Variants in ZFHX4 observed in about 807,000 individuals in gnomAD.
ZFHX4 encodes the protein zinc finger homeobox 4, also known as zinc finger homeobox protein 4.
Under a neutral mutation model 267.6 loss-of-function variants are expected in ZFHX4, and 56 were observed. The observed-to-expected ratio is 0.21, with a 90% CI of 0.17 to 0.26. ZFHX4 has a LOEUF of 0.26. ZFHX4 is among the 10% of genes least tolerant of loss of function. The pLI is 1.00. For missense variants in ZFHX4, 4,332 were observed against 4,420.0 expected (o/e 0.98, Z 0.56); for synonymous variants, 1,778 against 1,665.6 (o/e 1.07, Z -1.64).
chr8:76,827,052 A>G (rs1458038682), intron 4 of ZFHX4, among the ~76,000 whole-genome samples: 12 of 152,222 alleles, frequency 7.9e-5, no homozygotes, highest in Admixed American at 7.2e-4. Context: ...TTTCTTCTAG[A>G]CAATAAAGAG....
chr8:76,761,782 A>G (rs1039924635), intron 3 of ZFHX4, among the ~76,000 whole-genome samples: 9 of 152,190 alleles, frequency 5.9e-5, no homozygotes, highest in Non-Finnish European at 7.3e-5. Flanking sequence ...GAGGTTTAGA[A>G]GCAAATGTCT....
intron 3 of ZFHX4, among the ~76,000 whole-genome samples, chr8:76,738,584 T>A (rs890262060): frequency 6.6e-6 from 1 of 151,542 alleles, no homozygotes; most frequent in Non-Finnish European, 1.5e-5. Flanking sequence ...AAGATTTGTT[T>A]CTACTTTCTT....
intron 6 of ZFHX4, among the ~76,000 whole-genome samples, chr8:76,843,366 T>C (rs1190023559): frequency 6.6e-6 from 1 of 152,062 alleles, no homozygotes; most frequent in Non-Finnish European, 1.5e-5. Context: ...TGAAAAGGGA[T>C]TAGGTGCTGG....
intron 6 of ZFHX4, among the ~76,000 whole-genome samples, chr8:76,845,741 C>T (rs555435052): frequency 3.9e-5 from 6 of 152,000 alleles, no homozygotes; most frequent in South Asian, 2.1e-4. Flanking sequence ...ATTAAGAAGG[C>T]GGCATCTGCA....
chr8:76,856,170 G>T lies in ZFHX4; in HGVS notation c.9249G>T (p.Met3083Ile). The part of the protein sequence containing the change: ...VLGLTVQQPG[M>I]MDSSSLHGIS... ...GCTTGACGGTACAGCAGCCAGGCAT[G>T]ATGGACAGCAGTTCTCTCCACGGCA... The change falls in exon 10 of 11, where the codon ATG becomes ATT. Residue 3083 changes from methionine to isoleucine, a missense_variant. By Grantham distance (10) the Met-to-Ile change is conservative. This residue lies in a region of ZFHX4 where 1,648 missense variants were observed against 1,625.0 expected (regional missense o/e 1.01). Transcript: ENST00000651372. 6.2e-7 allele frequency: 1 copy of T among 1,613,992 alleles called. No homozygotes were observed. Among genetic ancestry groups the T allele is most frequent in the Non-Finnish European group, 8.5e-7 (1 of 1,179,860 alleles).
At chr8:76,721,041 G>T (rs76759852) in intron 3 of ZFHX4, among the ~76,000 whole-genome samples, 2 of 152,272 alleles carry the variant, frequency 1.3e-5, no homozygotes, top group African/African-American at 4.8e-5. Context: ...GTTTGTGGCA[G>T]AAGGGGATGG....
At chr8:76,771,753 C>T (rs1810269457) in intron 3 of ZFHX4, among the ~76,000 whole-genome samples, 1 of 151,986 alleles carries the variant, frequency 6.6e-6, no homozygotes, top group African/African-American at 2.4e-5. Context: ...GGTTATTGTC[C>T]GAATTGATTA....
In ZFHX4 at chr8:76,864,339, C is replaced by G. The variant is rs369260305; in HGVS notation, c.10625C>G (p.Pro3542Arg). ...TCTGCCAGGAGAGCTGCTTCTCCCCCTTCTTCTCCTCCTTCCCTTTCCTTG... is the reference window on the plus strand; with the variant it reads ...TCTGCCAGGAGAGCTGCTTCTCCCCGTTCTTCTCCTCCTTCCCTTTCCTTG... Reference protein sequence around the residue: ...QASARRAASPPSSPPSLSLPS... With the variant: ...QASARRAASPRSSPPSLSLPS... Residue 3542 changes from proline to arginine, a missense_variant, in exon 11 of 11, where the codon CCT becomes CGT. Pro to Arg is a moderately radical substitution (Grantham distance 103). This residue lies in a region of ZFHX4 where 1,648 missense variants were observed against 1,625.0 expected (regional missense o/e 1.01). Coordinates refer to ENST00000651372, the MANE Select transcript of ZFHX4 (RefSeq NM_024721.5). 5 of 1,613,636 alleles carry G rather than the reference C, an allele frequency of 3.1e-6. No homozygotes were observed. The Admixed American group carries it at 8.3e-5, about 27-fold the overall frequency.
chr8:76,717,026 C>T (rs1171536593), intron 3 of ZFHX4, among the ~76,000 whole-genome samples: 3 of 152,068 alleles, frequency 2.0e-5, no homozygotes, highest in African/African-American at 7.2e-5. Flanking sequence ...GAATGTGCCT[C>T]CCTAAGCATT....
rs557214391 is a variant in ZFHX4 at position 76,795,932 on chromosome 8, A to C, written c.3325+17493A>C. Among the ~76,000 whole-genome samples the C allele has an allele frequency of 6.6e-5, 10 of 152,324 alleles. No individual in the cohort carries two copies. The South Asian group carries it at 1.9e-3, about 28-fold the overall frequency. ...TATTCTAAGTACCATTGTAAAACCT[A>C]TTAAACCAAGTTTCATTACAAATAT... On this transcript the variant is annotated intron_variant, in intron 4 of 10. Transcript: ENST00000651372.
intron 4 of ZFHX4, among the ~76,000 whole-genome samples, chr8:76,779,723 A>G (rs1214342399): frequency 6.6e-6 from 1 of 152,022 alleles, no homozygotes. Context: ...TATTATTTCA[A>G]ATTTTATGTA....
intron 3 of ZFHX4, among the ~76,000 whole-genome samples, chr8:76,721,481 G>A (rs761250658): frequency 6.6e-6 from 1 of 152,118 alleles, no homozygotes; most frequent in Non-Finnish European, 1.5e-5. Context: ...GCTTCTCCCC[G>A]TCCTCAAGAA....
chr8:76,689,534 C>T (rs1366308090), intron 1 of ZFHX4, among the ~76,000 whole-genome samples: 1 of 152,100 alleles, frequency 6.6e-6, no homozygotes, highest in Non-Finnish European at 1.5e-5. Context: ...GATCTTAGTG[C>T]ACTCACAGTC....
intron 4 of ZFHX4, among the ~76,000 whole-genome samples, chr8:76,783,919 G>A (rs144982556): frequency 4.7e-3 from 710 of 152,066 alleles, no homozygotes; most frequent in Non-Finnish European, 8.2e-3. Context: ...CTCATCTGTG[G>A]TTATTTTGAA....
intron 4 of ZFHX4, among the ~76,000 whole-genome samples, chr8:76,795,319 G>A (rs577644543): frequency 6.6e-6 from 1 of 152,162 alleles, no homozygotes; most frequent in South Asian, 2.1e-4. Context: ...TGTAGCCTAG[G>A]CTAGAGTGCA....
chr8:76,760,910 C>T (rs1394972417), intron 3 of ZFHX4, among the ~76,000 whole-genome samples: 1 of 118,430 alleles, frequency 8.4e-6, no homozygotes, highest in African/African-American at 3.6e-5. Context: ...GCCTGGGCAA[C>T]AGGGCAAGAC....
chr8:76,834,836 G>A (rs2131894619), intron 5 of ZFHX4, among the ~76,000 whole-genome samples: 1 of 151,998 alleles, frequency 6.6e-6, no homozygotes, highest in East Asian at 1.9e-4. Context: ...AAGTCATCCA[G>A]ATTTTCCCTT....
chr8:76,748,552 A>G (rs1467543211), intron 3 of ZFHX4, among the ~76,000 whole-genome samples: 1 of 152,148 alleles, frequency 6.6e-6, no homozygotes, highest in East Asian at 1.9e-4. Context: ...CTCCCACCTC[A>G]GCCTCCTGAG....
chr8:76,850,848 C>T (rs768822751), intron 9 of ZFHX4, 38 bp from the exon 10 acceptor site: 6 of 1,475,590 alleles, frequency 4.1e-6, no homozygotes, highest in African/African-American at 1.4e-5. Context: ...AGTAGGTTTT[C>T]TTATTGTAAG....
Sources: allele counts gnomAD v4.1 joint callset (sites outside exome capture counted in the v4.1 genomes callset), GRCh38; gene constraint gnomAD v4.1.1; regional missense constraint gnomAD v4.1.1; transcripts MANE v1.5; gene names NCBI Gene and HGNC (gene_info 2026-07-23, HGNC 2026-07-21).